Variants in GRXCR1 observed in about 807,000 individuals in gnomAD.
The protein encoded by GRXCR1 is glutaredoxin domain-containing cysteine-rich protein 1.
A neutral mutation model predicts 27.3 loss-of-function variants in GRXCR1; 27 were observed. The observed-to-expected ratio is 0.99, with a 90% CI of 0.73 to 1.37. The LOEUF (loss-of-function observed/expected upper bound fraction) is 1.37, where lower values mean the gene tolerates loss of function less well. Ranked by LOEUF, GRXCR1 falls within the 40% of genes most tolerant of loss-of-function variation. The pLI, the probability that GRXCR1 is intolerant of heterozygous loss-of-function variation, is 0.00. For synonymous variants in GRXCR1, 122 were observed against 131.1 expected, an observed-to-expected ratio of 0.93 and a Z score of 0.47; for missense variants, 379 against 354.4, an observed-to-expected ratio of 1.07 and a Z score of -0.56.
chr4:43,026,682 T>A (rs1034878252), intron 3 of GRXCR1, among the ~76,000 whole-genome samples: 7 of 152,208 alleles, frequency 4.6e-5, no homozygotes, highest in African/African-American at 1.7e-4. Context: ...ACCATAGATT[T>A]TGCTCATAAA....
intron 1 of GRXCR1, among the ~76,000 whole-genome samples, chr4:42,962,355 A>G (rs1748144792): frequency 6.6e-6 from 1 of 151,976 alleles, no homozygotes; most frequent in Non-Finnish European, 1.5e-5. Context: ...CTGTCACTCA[A>G]CAGAGCCCTT....
At chr4:42,954,827 A>C (rs1747961460) in intron 1 of GRXCR1, among the ~76,000 whole-genome samples, 1 of 152,160 alleles carries the variant, frequency 6.6e-6, no homozygotes, top group African/African-American at 2.4e-5. Context: ...GCTAAGAGAG[A>C]AGCCTGATGT....
intron 1 of GRXCR1, among the ~76,000 whole-genome samples, chr4:42,943,547 C>A (rs1450937): frequency 6.6e-6 from 1 of 151,906 alleles, no homozygotes; most frequent in Non-Finnish European, 1.5e-5. Flanking sequence ...TAAGCACCTC[C>A]TGTGGGTCTT....
chr4:43,023,045 T>C (rs978462583), intron 3 of GRXCR1, among the ~76,000 whole-genome samples: 29 of 152,164 alleles, frequency 1.9e-4, no homozygotes, highest in African/African-American at 6.8e-4. Context: ...ACCCATGATG[T>C]TAATTAACTA....
intron 1 of GRXCR1, among the ~76,000 whole-genome samples, chr4:42,947,501 T>C (rs1012880559): frequency 2.0e-5 from 3 of 152,320 alleles, no homozygotes; most frequent in East Asian, 1.9e-4. Context: ...GCTTGGAATA[T>C]AGACTTCATT....
At chr4:42,922,188 T>G (rs567577057) in intron 1 of GRXCR1, among the ~76,000 whole-genome samples, 19 of 152,284 alleles carry the variant, frequency 1.2e-4, no homozygotes, top group Admixed American at 2.6e-4. Context: ...AATTGGGGTT[T>G]AGACTTCTTG....
intron 1 of GRXCR1, among the ~76,000 whole-genome samples, chr4:42,957,570 C>A (rs537997702): frequency 2.0e-5 from 3 of 151,962 alleles, no homozygotes; most frequent in South Asian, 4.1e-4. Flanking sequence ...AGATTTACTT[C>A]TTTGAGGCTA....
chr4:43,023,916 T>G (rs1268472491), intron 3 of GRXCR1, among the ~76,000 whole-genome samples: 1 of 152,170 alleles, frequency 6.6e-6, no homozygotes, highest in African/African-American at 2.4e-5. Context: ...TTATTTATGT[T>G]AATAAATAGG....
chr4:42,919,035 C>G (rs564324446), intron 1 of GRXCR1, among the ~76,000 whole-genome samples: 3 of 152,142 alleles, frequency 2.0e-5, no homozygotes, highest in East Asian at 3.9e-4. Context: ...TCAATAATAG[C>G]CAGCATAACC....
intron 1 of GRXCR1, among the ~76,000 whole-genome samples, chr4:42,960,688 T>A (rs377397849): frequency 7.2e-5 from 11 of 151,830 alleles, no homozygotes; most frequent in African/African-American, 2.7e-4. Flanking sequence ...AGCAAACTTG[T>A]TAGGTAGCTA....
At chr4:42,977,933 T>C (rs1032962879) in intron 2 of GRXCR1, among the ~76,000 whole-genome samples, 3 of 152,058 alleles carry the variant, frequency 2.0e-5, no homozygotes, top group Non-Finnish European at 2.9e-5. Context: ...TTCATAGTTT[T>C]GTGTCCTATG....
chr4:42,901,636 A>T lies in GRXCR1; in HGVS notation c.384+7986A>T, dbSNP rs543825710. 7.9e-5 allele frequency among the ~76,000 whole-genome samples: 12 copies of T among 152,294 alleles called. No individual in the cohort carries two copies. In the East Asian group the frequency reaches 2.3e-3, roughly 29 times the overall value. On this transcript the variant is annotated intron_variant, in intron 1 of 3. Transcript: ENST00000399770. ...TGCCTTTTGCTGTGTAAAGAAATATATTCATAGATTGTAGAGATTAGGACA... is the reference window on the plus strand; with the variant it reads ...TGCCTTTTGCTGTGTAAAGAAATATTTTCATAGATTGTAGAGATTAGGACA...
intron 2 of GRXCR1, among the ~76,000 whole-genome samples, chr4:42,987,277 T>TATAGAGAG: frequency 9.6e-6 from 1 of 104,264 alleles, no homozygotes; most frequent in South Asian, 3.1e-4. Context: ...TATATATATA[T>TATAGAGAG]AGAGAGAGAG....
chr4:42,923,368 CT>C, intron 1 of GRXCR1, among the ~76,000 whole-genome samples: 1 of 152,114 alleles, frequency 6.6e-6, no homozygotes, highest in South Asian at 2.1e-4. Context: ...ACATTCTTGG[CT>C]TACAACCTCA....
chr4:42,997,639 C>T (rs1712217102), intron 2 of GRXCR1, among the ~76,000 whole-genome samples: 1 of 152,182 alleles, frequency 6.6e-6, no homozygotes, highest in African/African-American at 2.4e-5. Flanking sequence ...ATGGGACTCT[C>T]ACACTCAGGG....
At chr4:42,930,040 CT>C (rs1747267143) in intron 1 of GRXCR1, among the ~76,000 whole-genome samples, 1 of 151,996 alleles carries the variant, frequency 6.6e-6, no homozygotes, top group Non-Finnish European at 1.5e-5. Flanking sequence ...CCTTTTGGCT[CT>C]CAGTAGATTC....
intron 2 of GRXCR1, among the ~76,000 whole-genome samples, chr4:42,989,001 G>T (rs1156265959): frequency 6.6e-6 from 1 of 152,180 alleles, no homozygotes; most frequent in East Asian, 1.9e-4. Context: ...ATGTATAAAA[G>T]GGGATCACCC....
chr4:43,011,943 C>A (rs1712763525), intron 2 of GRXCR1, among the ~76,000 whole-genome samples: 1 of 152,158 alleles, frequency 6.6e-6, no homozygotes, highest in African/African-American at 2.4e-5. Context: ...CCTAAACATC[C>A]TTGGATCCCA....
At chr4:42,927,491 G>T (rs751119382) in intron 1 of GRXCR1, among the ~76,000 whole-genome samples, 2 of 151,838 alleles carry the variant, frequency 1.3e-5, no homozygotes, top group East Asian at 3.9e-4. Flanking sequence ...AGATTTTTAC[G>T]AAATGTTTAA....
Sources: allele counts gnomAD v4.1 joint callset (sites outside exome capture counted in the v4.1 genomes callset), GRCh38; gene constraint gnomAD v4.1.1; transcripts MANE v1.5; gene names NCBI Gene and HGNC (gene_info 2026-07-23, HGNC 2026-07-21).